Variants in CCDC73 observed in about 807,000 individuals in gnomAD.
CCDC73 encodes the protein coiled-coil domain-containing protein 73.
A neutral mutation model predicts 116.5 loss-of-function variants in CCDC73; 95 were observed. The ratio of observed to expected loss-of-function variants is 0.82; its 90% CI spans 0.69 to 0.97. The LOEUF (loss-of-function observed/expected upper bound fraction) is 0.97. Among genes scored for constraint, CCDC73 ranks in the 50% least tolerant of loss-of-function variants. The pLI, the probability that CCDC73 is intolerant of heterozygous loss-of-function variation, is 0.00. For synonymous variants in CCDC73, 398 were observed against 401.3 expected (o/e 0.99, Z 0.10); for missense variants, 1,066 against 1,206.8 (o/e 0.88, Z 1.73).
intron 1 of CCDC73, among the ~76,000 whole-genome samples, chr11:32,788,010 C>T (rs1329570695): frequency 6.6e-6 from 1 of 152,204 alleles, no homozygotes; most frequent in Non-Finnish European, 1.5e-5. Context: ...TACACTTACA[C>T]TCATCAGATT....
chr11:32,689,268 C>G (rs1047398163), intron 6 of CCDC73, among the ~76,000 whole-genome samples: 3 of 151,884 alleles, frequency 2.0e-5, no homozygotes, highest in Non-Finnish European at 4.4e-5. Context: ...AGGTAACAAC[C>G]AGAAACTGTT....
intron 2 of CCDC73, among the ~76,000 whole-genome samples, chr11:32,747,160 A>G (rs1042898413): frequency 6.6e-6 from 1 of 152,060 alleles, no homozygotes; most frequent in Non-Finnish European, 1.5e-5. Flanking sequence ...TCTGTTTGTT[A>G]GTTTTCCTTC....
At chr11:32,609,587 C>G (rs887311712) in intron 17 of CCDC73, among the ~76,000 whole-genome samples, 1 of 149,696 alleles carries the variant, frequency 6.7e-6, no homozygotes, top group African/African-American at 2.4e-5. Context: ...GCCTGTTACC[C>G]AGTTCCAAAG....
intron 2 of CCDC73, among the ~76,000 whole-genome samples, chr11:32,725,147 C>T (rs2133339288): frequency 6.6e-6 from 1 of 151,722 alleles, no homozygotes; most frequent in Middle Eastern, 3.4e-3. Flanking sequence ...ATAGTAATCC[C>T]CCCTTATCCA....
upstream of CCDC73, among the ~76,000 whole-genome samples, chr11:32,797,557 C>T (rs1370271071): frequency 6.6e-6 from 1 of 152,180 alleles, no homozygotes; most frequent in Non-Finnish European, 1.5e-5. Context: ...CTAATCATTC[C>T]CTGCTTGGTG....
intron 2 of CCDC73, among the ~76,000 whole-genome samples, chr11:32,737,503 A>C (rs1850144445): frequency 1.3e-5 from 2 of 151,998 alleles, no homozygotes; most frequent in Admixed American, 1.3e-4. Context: ...CTGTTATCCC[A>C]GCTATTCAGG....
At chr11:32,748,087 C>A (rs1850256560) in intron 2 of CCDC73, among the ~76,000 whole-genome samples, 1 of 152,162 alleles carries the variant, frequency 6.6e-6, no homozygotes, top group South Asian at 2.1e-4. Flanking sequence ...GGAAGCGACC[C>A]ATCCTACATG....
chr11:32,722,323 C>T (rs1849996912), intron 2 of CCDC73, among the ~76,000 whole-genome samples: 1 of 152,208 alleles, frequency 6.6e-6, no homozygotes, highest in Admixed American at 6.5e-5. Context: ...TTTCCAGAAG[C>T]TTCCCAACAC....
chr11:32,620,506 G>A (rs1855513542), intron 14 of CCDC73, among the ~76,000 whole-genome samples: 1 of 151,062 alleles, frequency 6.6e-6, no homozygotes, highest in South Asian at 2.1e-4. Flanking sequence ...ACCTACTTGG[G>A]AGGCTGAGGC....
At chr11:32,739,302 A>T (rs1344063103) in intron 2 of CCDC73, among the ~76,000 whole-genome samples, 2 of 152,094 alleles carry the variant, frequency 1.3e-5, no homozygotes, top group Non-Finnish European at 2.9e-5. Context: ...GCATTTGAAC[A>T]ATATTGATTC....
intron 1 of CCDC73, 74 bp downstream of exon 1, chr11:32,794,539 G>A (rs556159599): frequency 2.0e-5 from 3 of 152,448 alleles, no homozygotes; most frequent in East Asian, 1.9e-4. Flanking sequence ...AAACCCGTAA[G>A]TGGACCCTGC....
At chr11:32,823,295 G>A in the CCDC73 span, among the ~76,000 whole-genome samples, 3 of 152,122 alleles carry the variant, frequency 2.0e-5, no homozygotes, top group Non-Finnish European at 4.4e-5. Flanking sequence ...CTAACATGGT[G>A]AAACCCCGTC....
intron 6 of CCDC73, among the ~76,000 whole-genome samples, chr11:32,696,583 A>G (rs1480574011): frequency 6.6e-6 from 1 of 151,830 alleles, no homozygotes; most frequent in Non-Finnish European, 1.5e-5. Flanking sequence ...GTGCACCACC[A>G]TATCTGGCTA....
chr11:32,722,058 G>A (rs1474104576), intron 2 of CCDC73, among the ~76,000 whole-genome samples: 1 of 152,150 alleles, frequency 6.6e-6, no homozygotes, highest in Admixed American at 6.5e-5. Context: ...GCTTATGGGA[G>A]TTAGCATCTC....
In CCDC73 at chr11:32,731,318, G is replaced by A. The variant is rs536010969; in HGVS notation, c.136-13171C>T. Among the ~76,000 whole-genome samples, 9 of 152,306 alleles carry A rather than the reference G, an allele frequency of 5.9e-5. No individual in the cohort carries two copies. The East Asian group carries it at 1.5e-3, about 26-fold the overall frequency. ...AGCCCACCACAGTTCATGGAGGCCT[G>A]CCTGCCTCTGTAGACTCCACCTCTG... On this transcript the variant is annotated intron_variant, in intron 2 of 17. Coordinates refer to ENST00000335185, the MANE Select transcript of CCDC73 (RefSeq NM_001008391.4).
chr11:32,684,985 A>AATAT (rs536600989), intron 6 of CCDC73, among the ~76,000 whole-genome samples: 3 of 151,670 alleles, frequency 2.0e-5, no homozygotes, highest in African/African-American at 7.2e-5. Flanking sequence ...TGTCAAAAAA[A>AATAT]ATATATATAT....
intron 17 of CCDC73, among the ~76,000 whole-genome samples, chr11:32,609,974 A>G (rs985183717): frequency 2.8e-5 from 4 of 144,548 alleles, no homozygotes; most frequent in Non-Finnish European, 4.5e-5. Flanking sequence ...TATTTTTAGT[A>G]GAGACAGGGT....
At chr11:32,648,370 G>T (rs1565065987) in intron 12 of CCDC73, among the ~76,000 whole-genome samples, 1 of 152,124 alleles carries the variant, frequency 6.6e-6, no homozygotes, top group Non-Finnish European at 1.5e-5. Context: ...GTAATGTGGG[G>T]TTAAACATGC....
intron 14 of CCDC73, among the ~76,000 whole-genome samples, chr11:32,626,520 T>G (rs1855575595): frequency 6.6e-6 from 1 of 152,116 alleles, no homozygotes; most frequent in Non-Finnish European, 1.5e-5. Flanking sequence ...CATTGCCAAG[T>G]CAATCCTAAG....
Sources: allele counts gnomAD v4.1 joint callset (sites outside exome capture counted in the v4.1 genomes callset), GRCh38; gene constraint gnomAD v4.1.1; transcripts MANE v1.5; gene names NCBI Gene and HGNC (gene_info 2026-07-23, HGNC 2026-07-21).